SGCG: variants seen among roughly 807,000 people sequenced by gnomAD.
The protein encoded by SGCG is gamma-sarcoglycan.
In SGCG, 26 loss-of-function variants were observed where a neutral mutation model predicts 29.3. That is an observed-to-expected ratio of 0.89 (90% CI 0.65 to 1.23). The LOEUF (loss-of-function observed/expected upper bound fraction) is 1.23. SGCG is among the 50% of genes most tolerant of loss of function. The pLI is 0.00. For missense variants in SGCG, 353 were observed against 356.0 expected (o/e 0.99, Z 0.07); for synonymous variants, 145 against 129.7 (o/e 1.12, Z -0.80).
intron 4 of SGCG, among the ~76,000 whole-genome samples, chr13:23,256,835 A>G (rs1278193622): frequency 6.6e-6 from 1 of 152,236 alleles, no homozygotes; most frequent in Non-Finnish European, 1.5e-5. Context: ...GCCACAATAA[A>G]CATAGGTGTG....
chr13:23,235,066 G>T (rs1376256163), intron 3 of SGCG, among the ~76,000 whole-genome samples: 1 of 152,158 alleles, frequency 6.6e-6, no homozygotes, highest in Non-Finnish European at 1.5e-5. Flanking sequence ...TATCTAAGAA[G>T]CTTAGAAAGA....
intron 3 of SGCG, among the ~76,000 whole-genome samples, chr13:23,241,973 T>G (rs1397746919): frequency 6.6e-6 from 1 of 152,096 alleles, no homozygotes; most frequent in African/African-American, 2.4e-5. Context: ...TAGAGGAAAT[T>G]AATGAAACCA....
intron 4 of SGCG, among the ~76,000 whole-genome samples, chr13:23,257,926 A>T (rs1242623533): frequency 1.3e-5 from 2 of 152,202 alleles, no homozygotes; most frequent in African/African-American, 4.8e-5. Flanking sequence ...TGGTACCAGT[A>T]CCATGCTGTT....
intron 3 of SGCG, among the ~76,000 whole-genome samples, chr13:23,243,167 G>A (rs979587210): frequency 2.0e-5 from 3 of 152,152 alleles, no homozygotes; most frequent in Admixed American, 6.5e-5. Flanking sequence ...AGAATACCCA[G>A]CTAGCCGTGG....
chr13:23,308,929 T>A (rs996045531), intron 6 of SGCG, among the ~76,000 whole-genome samples: 4 of 152,134 alleles, frequency 2.6e-5, no homozygotes, highest in Non-Finnish European at 4.4e-5. Context: ...GGTTTTTTTT[T>A]ATTGGAATTA....
At chr13:23,180,229 C>T (rs181373112), upstream of SGCG, among the ~76,000 whole-genome samples, 6 of 152,132 alleles carry the variant, frequency 3.9e-5, no homozygotes, top group South Asian at 6.2e-4. Context: ...TTCAGAAGTT[C>T]GATATTTATT....
rs533462019 is a variant in SGCG, at chr13:23,260,363, C to A, written c.385+9646C>A. On this transcript the variant is annotated intron_variant, in intron 4 of 7. Transcript: ENST00000218867. ...TCTATTTTATCAGAGACTAGGATTG[C>A]AACCCCTGCTTTTATTTTGCTTTCC... Among the ~76,000 whole-genome samples, 3 of 152,252 alleles carry A rather than the reference C, an allele frequency of 2.0e-5. No homozygotes were observed. The South Asian group carries it at 6.2e-4, about 32-fold the overall frequency.
At chr13:23,258,304 T>C (rs372654612) in intron 4 of SGCG, among the ~76,000 whole-genome samples, 1 of 152,144 alleles carries the variant, frequency 6.6e-6, no homozygotes, top group Non-Finnish European at 1.5e-5. Flanking sequence ...ATTCTCTTTG[T>C]AGCAATTGTG....
intron 5 of SGCG, among the ~76,000 whole-genome samples, chr13:23,290,833 T>C (rs574204649): frequency 3.0e-4 from 46 of 152,322 alleles, no homozygotes; most frequent in African/African-American, 1.1e-3. Context: ...ATTCAATGTA[T>C]TTCTATAATT....
At chr13:23,162,642 G>A in the SGCG span, among the ~76,000 whole-genome samples, 1 of 150,836 alleles carries the variant, frequency 6.6e-6, no homozygotes, top group South Asian at 2.1e-4. Context: ...ACGAGCCTGG[G>A]CATCATGGTG....
intron 5 of SGCG, among the ~76,000 whole-genome samples, chr13:23,287,498 C>A (rs1008147902): frequency 1.3e-5 from 2 of 152,124 alleles, no homozygotes; most frequent in Non-Finnish European, 2.9e-5. Flanking sequence ...ACCTGTGAGA[C>A]CCTGAGCACA....
chr13:23,224,678 A>AC (rs200831114), intron 2 of SGCG, among the ~76,000 whole-genome samples: 1 of 141,492 alleles, frequency 7.1e-6, no homozygotes, highest in African/African-American at 2.5e-5. Context: ...ACACACACAC[A>AC]CACCCCACAC....
chr13:23,281,043 T>C (rs916099681), intron 5 of SGCG, among the ~76,000 whole-genome samples: 1 of 152,094 alleles, frequency 6.6e-6, no homozygotes, highest in African/African-American at 2.4e-5. Flanking sequence ...GTTTAAAATA[T>C]ACTGCTGGGG....
chr13:23,254,340 C>T (rs778492042), intron 4 of SGCG, among the ~76,000 whole-genome samples: 3 of 152,040 alleles, frequency 2.0e-5, no homozygotes, highest in Non-Finnish European at 4.4e-5. Context: ...TGTGTAATGC[C>T]CTAGGAAAGA....
intron 5 of SGCG, among the ~76,000 whole-genome samples, chr13:23,282,033 GC>G (rs1220061280): frequency 6.6e-6 from 1 of 152,166 alleles, no homozygotes; most frequent in Non-Finnish European, 1.5e-5. Flanking sequence ...GCTAACTAGA[GC>G]AAAATATACC....
chr13:23,216,583 C>G (rs1878438299), intron 2 of SGCG, among the ~76,000 whole-genome samples: 2 of 152,128 alleles, frequency 1.3e-5, no homozygotes, highest in Admixed American at 1.3e-4. Context: ...TATTCCCTCA[C>G]AAATTTTTCC....
At chr13:23,265,556 G>A (rs1880605503) in intron 4 of SGCG, among the ~76,000 whole-genome samples, 2 of 152,144 alleles carry the variant, frequency 1.3e-5, no homozygotes, top group Admixed American at 1.3e-4. Flanking sequence ...CCAGCCTGGA[G>A]ACAGAGTGAG....
At chr13:23,263,670 A>T (rs1304149067) in intron 4 of SGCG, among the ~76,000 whole-genome samples, 2 of 152,126 alleles carry the variant, frequency 1.3e-5, no homozygotes, top group African/African-American at 2.4e-5. Flanking sequence ...AAGAATATAG[A>T]TGCAAAAATC....
rs895077033 is a variant in SGCG, at chr13:23,240,513, C to T, written c.297+5801C>T. Among the ~76,000 whole-genome samples, 38 of 152,284 alleles carry T rather than the reference C, an allele frequency of 2.5e-4. 1 individual carries two copies. Among genetic ancestry groups the T allele is most frequent in the Middle Eastern group, 3.4e-3 (1 of 290 alleles). On this transcript the variant is annotated intron_variant, in intron 3 of 7. Transcript: ENST00000218867. ...GAGCATGCTGCTCAACAACAGCAGA[C>T]AGAGTTCTTTTCAAGTGCACAGGGA...
Sources: gnomAD v4.1 joint callset for allele counts (sites outside exome capture counted in the v4.1 genomes callset) on GRCh38, gnomAD v4.1.1 for gene constraint, MANE v1.5 for transcripts, NCBI Gene and HGNC (gene_info 2026-07-23, HGNC 2026-07-21) for gene names.